The following SCN9A variants were observed in gnomAD, a reference collection of about 807,000 sequenced individuals.
SCN9A encodes sodium channel protein type 9 subunit alpha.
SCN9A carries 131 observed loss-of-function variants against 187.0 expected under a neutral mutation model. The observed-to-expected ratio is 0.70, with a 90% CI of 0.61 to 0.81. SCN9A has a LOEUF of 0.81. Among genes scored for constraint, SCN9A ranks in the 30% least tolerant of loss-of-function variants. The pLI is 0.00. For synonymous variants in SCN9A, 809 were observed against 808.6 expected (o/e 1.00, Z -0.01); for missense variants, 2,252 against 2,396.6 (o/e 0.94, Z 1.26).
chr2:166,306,946 A>T lies in SCN9A; in HGVS notation c.377+10T>A. 4.8e-6 allele frequency: 7 copies of T among 1,456,314 alleles called. No individual in the cohort carries two copies. The highest frequency in any genetic ancestry group is 6.7e-6 in the Non-Finnish European group (7 of 1,044,562). The allele number at this position is 1,456,314 out of a possible 1,614,324, so 90.2% of individuals were successfully genotyped here. ...AGTGCCACTGGATGTAATCATTTTT[A>T]AAAGGATATGAGTGTACTAAAATCT... On this transcript the variant is annotated intron_variant, in intron 3 of 26. Coordinates refer to ENST00000642356, the MANE Select transcript of SCN9A (RefSeq NM_001365536.1).
intron 4 of SCN9A, among the ~76,000 whole-genome samples, 189 bp from the exon 5 acceptor site, chr2:166,306,109 C>A (rs917251825): frequency 6.6e-6 from 1 of 151,964 alleles, no homozygotes; most frequent in Non-Finnish European, 1.5e-5. Context: ...ATATCAGAAA[C>A]ACTCCCAGAA....
intron 18 of SCN9A, among the ~76,000 whole-genome samples, chr2:166,245,738 A>C (rs2106415298): frequency 6.6e-6 from 1 of 152,094 alleles, no homozygotes; most frequent in Middle Eastern, 3.4e-3. Context: ...CTGTTTCAGA[A>C]GTTTGAATTT....
intron 1 of SCN9A, among the ~76,000 whole-genome samples, chr2:166,348,931 G>A (rs993846931): frequency 6.6e-6 from 1 of 152,062 alleles, no homozygotes; most frequent in Non-Finnish European, 1.5e-5. Flanking sequence ...TTCAAGACCA[G>A]CCTGACCAAC....
In SCN9A at chr2:166,277,070, T is replaced by C; in HGVS notation, c.2787A>G (p.Ile929Met). 6.2e-7 allele frequency: 1 copy of C among 1,614,060 alleles called. No individual in the cohort carries two copies. Among genetic ancestry groups the C allele is most frequent in the Non-Finnish European group, 8.5e-7 (1 of 1,179,976 alleles). Residue 929 changes from isoleucine to methionine, a missense_variant, in exon 16 of 27, where the codon ATA becomes ATG. Coordinates refer to ENST00000642356, the MANE Select transcript of SCN9A (RefSeq NM_001365536.1). ...IVFRVLCGEW[I>M]ETMWDCMEVA... ...CCTCCATACAGTCCCACATGGTCTC[T>C]ATCCACTCTCCACACAGCACGCGGA...
chr2:166,274,959 A>G (rs775747715), intron 16 of SCN9A, among the ~76,000 whole-genome samples: 1 of 152,148 alleles, frequency 6.6e-6, no homozygotes, highest in Non-Finnish European at 1.5e-5. Context: ...TCCTTGTCTG[A>G]TAACTTTTGT....
rs1193672868 is a variant in SCN9A at position 166,198,797 on chromosome 2, C to T, written c.5842G>A (p.Ala1948Thr). 1 of 1,612,934 alleles carries T rather than the reference C, an allele frequency of 6.2e-7. No individual in the cohort carries two copies. Among genetic ancestry groups the T allele is most frequent in the Non-Finnish European group, 8.5e-7 (1 of 1,179,324 alleles). The stretch of plus-strand genomic sequence containing the variant: ...GGTGGAGAGGTGGTGGATGAAGTGG[C>T]ATCTGTTTTTTCTGGACTTGAGTTC... ...NENSSPEKTD[A>T]TSSTTSPPSY... is the part of the protein sequence containing the mutation. Residue 1948 changes from alanine to threonine, a missense_variant, in exon 27 of 27, where the codon GCC becomes ACC. By Grantham distance (58) the Ala-to-Thr change is moderately conservative. Around this residue, in one of 7 missense-constraint regions of SCN9A, gnomAD observed 345 missense variants for 344.6 expected, o/e 1.00. Transcript: ENST00000642356.
At chr2:166,206,325 T>G (rs985376197) in intron 24 of SCN9A, among the ~76,000 whole-genome samples, 1 of 152,194 alleles carries the variant, frequency 6.6e-6, no homozygotes, top group Non-Finnish European at 1.5e-5. Context: ...CATGGAATAC[T>G]ATGCAGCCAT....
At chr2:166,375,057 G>C (rs1330057020) in intron 1 of SCN9A, among the ~76,000 whole-genome samples, 1 of 152,154 alleles carries the variant, frequency 6.6e-6, no homozygotes. Context: ...AAGTAAATGA[G>C]TTTCCCAAGT....
At position 166,293,358 on chromosome 2, in the gene SCN9A, C is replaced by T. The variant is rs765818027; in HGVS notation, c.980G>A (p.Gly327Glu). 1.3e-5 allele frequency: 21 copies of T among 1,608,302 alleles called. No homozygotes were observed. The East Asian group carries it at 4.5e-4, about 34-fold the overall frequency. Residue 327 changes from glycine to glutamate, a missense_variant, in exon 9 of 27, where the codon GGG (glycine) becomes GAG (glutamate). Gly to Glu is a moderately conservative substitution (Grantham distance 98). This residue lies in a region of SCN9A where 1,013 missense variants were observed against 997.4 expected (regional missense o/e 1.02). Coordinates refer to ENST00000642356, the MANE Select transcript of SCN9A (RefSeq NM_001365536.1). Reference sequence around the variant, plus strand: ...TCTGCCAATTTTCACACAGGTGTACCCCTCTGGACACTGACTACACACGAG... The same window carrying T: ...TCTGCCAATTTTCACACAGGTGTACTCCTCTGGACACTGACTACACACGAG... ...FSTDSGQCPE[G>E]YTCVKIGRNP...
chr2:166,235,054 C>T (rs7592093), intron 20 of SCN9A, among the ~76,000 whole-genome samples: 134,210 of 152,126 alleles, frequency 0.88, 59,271 homozygotes, highest in East Asian at 0.95. Context: ...AAGAAAGTTC[C>T]CACCAGATGT....
intron 12 of SCN9A, among the ~76,000 whole-genome samples, chr2:166,283,356 T>C (rs1371110208): frequency 6.6e-6 from 1 of 152,194 alleles, no homozygotes; most frequent in Non-Finnish European, 1.5e-5. Context: ...AATATATGTG[T>C]GGCCATGGAT....
intron 1 of SCN9A, among the ~76,000 whole-genome samples, chr2:166,363,868 T>C (rs867875206): frequency 1.8e-4 from 28 of 152,174 alleles, no homozygotes; most frequent in South Asian, 8.3e-4. Flanking sequence ...ATTGAAACTG[T>C]TGTGCATCAA....
chr2:166,341,848 T>C (rs1699792609), intron 1 of SCN9A, among the ~76,000 whole-genome samples: 1 of 152,244 alleles, frequency 6.6e-6, no homozygotes, highest in African/African-American at 2.4e-5. Flanking sequence ...AGCCAAGCCA[T>C]ATTCATTTCA....
At chr2:166,350,538 C>T (rs1048579653) in intron 1 of SCN9A, among the ~76,000 whole-genome samples, 1 of 152,262 alleles carries the variant, frequency 6.6e-6, no homozygotes, top group Middle Eastern at 3.4e-3. Flanking sequence ...TTTAGTAATT[C>T]ACTAATGAAA....
intron 1 of SCN9A, among the ~76,000 whole-genome samples, chr2:166,346,898 A>T (rs1297251080): frequency 6.6e-6 from 1 of 152,234 alleles, no homozygotes; most frequent in Non-Finnish European, 1.5e-5. Context: ...ACATTTGCAC[A>T]ATAGTTTTGA....
chr2:166,345,274 A>C (rs917342835), intron 1 of SCN9A, among the ~76,000 whole-genome samples: 2 of 150,506 alleles, frequency 1.3e-5, no homozygotes, highest in African/African-American at 4.9e-5. Context: ...GGACATCATG[A>C]CAAAATTAGT....
chr2:166,295,936 G>C (rs1698282358), intron 7 of SCN9A: 1 of 152,148 alleles, frequency 6.6e-6, no homozygotes, highest in South Asian at 2.1e-4. Context: ...TCCTTGTATA[G>C]TAAATGTTTA....
At chr2:166,206,305 A>G (rs1558947434) in intron 24 of SCN9A, among the ~76,000 whole-genome samples, 1 of 152,228 alleles carries the variant, frequency 6.6e-6, no homozygotes, top group Non-Finnish European at 1.5e-5. Context: ...AAAATGTGGC[A>G]TATATACACC....
At chr2:166,350,306 C>A (rs1367612489) in intron 1 of SCN9A, among the ~76,000 whole-genome samples, 1 of 152,194 alleles carries the variant, frequency 6.6e-6, no homozygotes, top group Non-Finnish European at 1.5e-5. Context: ...TCATTCTTGT[C>A]TGGGCATTCT....
Sources: gnomAD v4.1 joint callset for allele counts (sites outside exome capture counted in the v4.1 genomes callset) on GRCh38, gnomAD v4.1.1 for gene constraint, gnomAD v4.1.1 regional missense constraint, MANE v1.5 for transcripts, NCBI Gene and HGNC (gene_info 2026-07-23, HGNC 2026-07-21) for gene names.